KEL: variants seen among roughly 807,000 people sequenced by gnomAD.
KEL encodes the protein kell blood group glycoprotein.
KEL carries 96 observed loss-of-function variants against 99.5 expected under a neutral mutation model. The ratio of observed to expected loss-of-function variants is 0.97; its 90% CI spans 0.82 to 1.14. The LOEUF is 1.14. Among genes scored for constraint, KEL ranks in the 50% most tolerant of loss-of-function variants. KEL has a pLI of 0.00. For synonymous variants in KEL, 355 were observed against 354.8 expected (o/e 1.00, Z -0.01); for missense variants, 926 against 924.2 (o/e 1.00, Z -0.03).
intron 8 of KEL, 42 bp from the exon 9 acceptor site, chr7:142,953,998 G>A: frequency 6.2e-7 from 1 of 1,609,462 alleles, no homozygotes; most frequent in Non-Finnish European, 8.5e-7. Flanking sequence ...AAGGAAAAGA[G>A]AAGGAAGGGG....
At position 142,957,924 on chromosome 7, in the gene KEL, C is replaced by T. The variant is rs754663945; in HGVS notation, c.575G>A (p.Arg192Gln). 42 of 1,614,064 alleles carry T rather than the reference C, an allele frequency of 2.6e-5. 1 individual carries two copies. Among genetic ancestry groups the T allele is most frequent in the Middle Eastern group, 1.6e-4 (1 of 6,062 alleles). Reference sequence around the variant, plus strand: ...CTGACTCATCAGAAGTCTCAGCGTTCGGTTAAAGTTTAAGGAAGTCCATTT... The same window carrying T: ...CTGACTCATCAGAAGTCTCAGCGTTTGGTTAAAGTTTAAGGAAGTCCATTT... Reference protein sequence around the residue: ...SGKWTSLNFNRTLRLLMSQYG... With the variant: ...SGKWTSLNFNQTLRLLMSQYG... The change falls in exon 6 of 19, where the codon CGA becomes CAA. Residue 192 changes from arginine (R) to glutamine (Q), a missense_variant. By Grantham distance (43) the Arg-to-Gln change is conservative. Coordinates refer to ENST00000355265, the MANE Select transcript of KEL (RefSeq NM_000420.3).
Position 142,961,783 on chromosome 7 carries a change from G to A in KEL, c.81+12C>T. The stretch of plus-strand genomic sequence containing the variant: ...TCAGTGTATTCCAGACCCAGGAGAG[G>A]AGGCCACTTACCTCTTGGCTCCAGA... On this transcript the variant is annotated intron_variant, in intron 2 of 18. Coordinates refer to ENST00000355265, the MANE Select transcript of KEL (RefSeq NM_000420.3). 1 of 1,610,024 alleles carries A rather than the reference G, an allele frequency of 6.2e-7. No homozygotes were observed. The highest frequency in any genetic ancestry group is 2.2e-5 in the East Asian group (1 of 44,850).
rs1391963585 is a variant in KEL at position 142,943,294 on chromosome 7, G to C, written c.1753C>G (p.His585Asp). 3 of 1,613,994 alleles carry C rather than the reference G, an allele frequency of 1.9e-6. No homozygotes were observed. Among genetic ancestry groups the C allele is most frequent in the Non-Finnish European group, 1.7e-6 (2 of 1,179,966 alleles). The change falls in exon 16 of 19, where the codon CAC becomes GAC. Residue 585 changes from histidine (H) to aspartate (D), a missense_variant. Physicochemically the swap from His to Asp is moderately conservative, Grantham distance 81 (BLOSUM62 -1). Transcript: ENST00000355265. ...AGSIMAHELL[H>D]IFYQLLLPGG... Reference sequence around the variant, plus strand: ...TACCCACAGAGCTGGTAGAAGATGTGCAACAGCTCGTGGGCCATGATGCTG... The same window carrying C: ...TACCCACAGAGCTGGTAGAAGATGTCCAACAGCTCGTGGGCCATGATGCTG...
In KEL at chr7:142,944,749, A is replaced by T. The variant is rs746754353; in HGVS notation, c.1315-8T>A. ...AGTGAATAATTTCATGGCCTGTGGG[A>T]GTGAGGTCCAGGGACAGGGGGACAG... is the stretch of plus-strand genomic sequence containing the variant. On this transcript the variant is annotated splice_polypyrimidine_tract_variant and splice_region_variant and intron_variant, in intron 11 of 18. Transcript: ENST00000355265. 2.4e-5 allele frequency: 38 copies of T among 1,607,160 alleles called. 2 individuals carry two copies. In the South Asian group the frequency reaches 4.2e-4, roughly 18 times the overall value.
intron 15 of KEL, 67 bp from the exon 16 acceptor site, chr7:142,943,410 G>A (rs988634684): frequency 1.7e-5 from 28 of 1,606,268 alleles, no homozygotes; most frequent in South Asian, 5.5e-5. Flanking sequence ...TTCTCCAACC[G>A]TAAGTCCCAT....
At chr7:142,944,596 C>T in intron 12 of KEL, 47 bp downstream of exon 12, 1 of 1,484,824 alleles carries the variant, frequency 6.7e-7, no homozygotes, top group East Asian at 2.3e-5. Context: ...TTCCAATACT[C>T]CATTCCCTGC....
Position 142,944,388 on chromosome 7 carries a change from G to A in KEL, c.1426C>T (p.Gln476Ter), listed in dbSNP as rs565534667. 6.2e-7 allele frequency: 1 copy of A among 1,613,356 alleles called. No individual in the cohort carries two copies. The highest frequency in any genetic ancestry group is 8.5e-7 in the Non-Finnish European group (1 of 1,179,260). Residue 476 changes from glutamine to a stop codon, truncating the protein, a stop_gained, in exon 13 of 19, where the codon CAG (glutamine) becomes TAG (stop). Transcript: ENST00000355265. LOFTEE classifies it high-confidence loss of function. ...NMAQDKVAQL[Q>*]VEMGASEWAL... is the part of the protein sequence containing the mutation. The stretch of plus-strand genomic sequence containing the variant: ...CATTCTGAAGCCCCCATCTCCACCT[G>A]CAGTTGAGCAACCTGGAGAGAGACA...
At position 142,942,892 on chromosome 7, in the gene KEL, GC is replaced by G. The variant is rs752390429; in HGVS notation, c.1923del (p.Leu642Ter). 1.2e-6 allele frequency: 2 copies of G among 1,614,162 alleles called. No homozygotes were observed. The highest frequency in any genetic ancestry group is 1.3e-5 in the African/African-American group (1 of 75,030). On this transcript the variant is annotated frameshift_variant, in exon 17 of 19. Transcript: ENST00000355265. LOFTEE classifies it high-confidence loss of function. ...TTGCATACCTGCAGCGCGATGGCTA[GC>G]CCCCCAACGTCTGCAGCATTCTCTA... ...TFLENAADVG[G>X]LAIALQAYSK...
chr7:142,944,804 C>T, intron 11 of KEL, 63 bp from the exon 12 acceptor site: 1 of 1,305,668 alleles, frequency 7.7e-7, no homozygotes, highest in African/African-American at 1.4e-5. Flanking sequence ...CTGGCCCTGC[C>T]CACAGCTTCT....
rs928091099 is a variant in KEL, at chr7:142,957,843, T to C, written c.656A>G (p.His219Arg). ...ATCCCTCACCTGGATGACTGGTGTG[T>C]GTGGAGAGGCAGGATGAGGTCCTAG... Reference protein sequence around the residue: ...AYLGPHPASPHTPVIQIDQPE... With the variant: ...AYLGPHPASPRTPVIQIDQPE... The change falls in exon 6 of 19, where the codon CAC (histidine) becomes CGC (arginine). Residue 219 changes from histidine (H) to arginine (R), a missense_variant. Coordinates refer to ENST00000355265, the MANE Select transcript of KEL (RefSeq NM_000420.3). 6.2e-7 allele frequency: 1 copy of C among 1,613,872 alleles called. No individual in the cohort carries two copies. Among genetic ancestry groups the C allele is most frequent in the Non-Finnish European group, 8.5e-7 (1 of 1,180,010 alleles).
chr7:142,957,935 T>C lies in KEL; in HGVS notation c.564A>G (p.Leu188=). The C allele has an allele frequency of 6.2e-7, 1 of 1,614,156 alleles. No individual in the cohort carries two copies. Among genetic ancestry groups the C allele is most frequent in the East Asian group, 2.2e-5 (1 of 44,870 alleles). The change falls in exon 6 of 19, where the codon TTA becomes TTG. Residue 188 remains leucine (L), a synonymous_variant. Coordinates refer to ENST00000355265, the MANE Select transcript of KEL (RefSeq NM_000420.3). ...GWRISGKWTS[L]NFNRTLRLLM... The stretch of plus-strand genomic sequence containing the variant: ...GAAGTCTCAGCGTTCGGTTAAAGTT[T>C]AAGGAAGTCCATTTACCAGAGATGC...
At chr7:142,954,122 G>C (rs934741877) in intron 8 of KEL, 62 bp downstream of exon 8, 26 of 1,499,692 alleles carry the variant, frequency 1.7e-5, no homozygotes, top group Non-Finnish European at 2.3e-5. Context: ...AGAAGGAAAG[G>C]AGGTAATGTT....
intron 4 of KEL, among the ~76,000 whole-genome samples, chr7:142,959,566 A>T (rs551403630): frequency 2.6e-4 from 40 of 152,194 alleles, no homozygotes; most frequent in Non-Finnish European, 4.3e-4. Flanking sequence ...GGAACTAGAG[A>T]ACTTTAAGGA....
chr7:142,941,507 G>C, intron 18 of KEL, 94 bp from the exon 19 acceptor site: 1 of 1,245,544 alleles, frequency 8.0e-7, no homozygotes, highest in Non-Finnish European at 1.1e-6. Flanking sequence ...ACAAAGAGGG[G>C]AACCAGGGGA....
chr7:142,945,429 G>A lies in KEL; in HGVS notation c.1315-688C>T, dbSNP rs116732728. Among the ~76,000 whole-genome samples the A allele has an allele frequency of 1.5e-3, 226 of 152,278 alleles. 3 individuals are homozygous for A. The highest frequency in any genetic ancestry group is 5.2e-3 in the African/African-American group (215 of 41,556). On this transcript the variant is annotated intron_variant, in intron 11 of 18. Coordinates refer to ENST00000355265, the MANE Select transcript of KEL (RefSeq NM_000420.3). ...TTGTATAAAATCAGGATCATAATAG[G>A]AACTAAATGACGTAGTTCATGCAAA...
intron 14 of KEL, 25 bp from the exon 15 acceptor site, chr7:142,943,621 C>T: frequency 6.4e-7 from 1 of 1,561,872 alleles, no homozygotes; most frequent in Non-Finnish European, 8.8e-7. Flanking sequence ...CATGTGAACT[C>T]CAGCCCCCAC....
Position 142,943,274 on chromosome 7 carries a change from A to G in KEL, c.1771+2T>C. On this transcript the variant is annotated splice_donor_variant, in intron 16 of 18. Transcript: ENST00000355265. LOFTEE classifies it high-confidence loss of function. The stretch of plus-strand genomic sequence containing the variant: ...CACCTCCCAGTGGCCCCTGTTACCC[A>G]CAGAGCTGGTAGAAGATGTGCAACA... The G allele has an allele frequency of 6.2e-7, 1 of 1,613,554 alleles. No individual in the cohort carries two copies.
In KEL at chr7:142,943,495, C is replaced by G. The variant is rs1486019990; in HGVS notation, c.1694G>C (p.Gly565Ala). 1.2e-6 allele frequency: 2 copies of G among 1,613,634 alleles called. No homozygotes were observed. Among genetic ancestry groups the G allele is most frequent in the South Asian group, 2.2e-5 (2 of 91,062 alleles). The change falls in exon 15 of 19, where the codon GGC becomes GCC. Residue 565 changes from glycine to alanine, a missense_variant. Transcript: ENST00000355265. ...ACAGAGTGACCCATACCTGGGATAG[C>G]CAGGGTGGAAGAATGGGGGTTGGAG... is the stretch of plus-strand genomic sequence containing the variant. ...GLLQPPFFHP[G>A]YPRAVNFGAA... is the part of the protein sequence containing the mutation.
At position 142,941,368 on chromosome 7, in the gene KEL, T is replaced by C. The variant is rs764206320; in HGVS notation, c.2083A>G (p.Ser695Gly). Reference protein sequence around the residue: ...PSPQDSHDTHSPPHLRVHGPL... With the variant: ...PSPQDSHDTHGPPHLRVHGPL... Reference sequence around the variant, plus strand: ...CCGTGGACTCGGAGGTGTGGAGGGCTGTGAGTGTCGTGAGAGTCCTGGGGG... The same window carrying C: ...CCGTGGACTCGGAGGTGTGGAGGGCCGTGAGTGTCGTGAGAGTCCTGGGGG... Residue 695 changes from serine (S) to glycine (G), a missense_variant, in exon 19 of 19, where the codon AGC (serine) becomes GGC (glycine). Physicochemically the swap from Ser to Gly is moderately conservative, Grantham distance 56. Transcript: ENST00000355265. 10 of 1,611,330 alleles carry C rather than the reference T, an allele frequency of 6.2e-6. No individual in the cohort carries two copies. In the South Asian group the frequency reaches 1.1e-4, roughly 18 times the overall value.
Sources: allele counts gnomAD v4.1 joint callset (sites outside exome capture counted in the v4.1 genomes callset), GRCh38; gene constraint gnomAD v4.1.1; transcripts MANE v1.5; gene names NCBI Gene and HGNC (gene_info 2026-07-23, HGNC 2026-07-21).